NEDD4L: variants seen among roughly 807,000 people sequenced by gnomAD.
NEDD4L encodes E3 ubiquitin-protein ligase NEDD4-like.
In NEDD4L, 54 loss-of-function variants were observed where a neutral mutation model predicts 148.9. The observed-to-expected ratio is 0.36, with a 90% CI of 0.29 to 0.45. NEDD4L has a LOEUF of 0.45. Ranked by LOEUF, NEDD4L falls within the 20% of genes least tolerant of loss-of-function variation. The probability of loss-of-function intolerance (pLI) is 1.00; values close to 1 mark genes in which losing one functional copy is unlikely to be tolerated. For missense variants in NEDD4L, 856 were observed against 1,233.8 expected, an observed-to-expected ratio of 0.69 and a Z score of 4.59; for synonymous variants, 433 against 440.7, an observed-to-expected ratio of 0.98 and a Z score of 0.22.
At chr18:58,334,134 A>C (rs939057133) in intron 12 of NEDD4L, 1 of 427,860 alleles carries the variant, frequency 2.3e-6, no homozygotes, top group Admixed American at 4.0e-5. Context: ...ATTTATACCA[A>C]TTTTGATTTG....
At chr18:58,093,020 C>A (rs1016043036) in intron 1 of NEDD4L, among the ~76,000 whole-genome samples, 2 of 152,064 alleles carry the variant, frequency 1.3e-5, no homozygotes, top group African/African-American at 4.8e-5. Flanking sequence ...GCCACCACAC[C>A]TGGCTAATTT....
At position 58,071,191 on chromosome 18, in the gene NEDD4L, A is replaced by C. The variant is rs775449981; in HGVS notation, c.48+26483A>C. ...GAAAGCATGTCTAAAGAATCACATG[A>C]AAATATGCTTGTGAGGTTGAAGCCA... On this transcript the variant is annotated intron_variant, in intron 1 of 30. Coordinates refer to ENST00000400345, the MANE Select transcript of NEDD4L (RefSeq NM_001144967.3). Among the ~76,000 whole-genome samples the C allele has an allele frequency of 3.0e-4, 46 of 152,278 alleles. 1 individual carries two copies. The highest frequency in any genetic ancestry group is 6.2e-4 in the Non-Finnish European group (42 of 68,018).
At chr18:58,146,789 C>T (rs2034141847) in intron 1 of NEDD4L, among the ~76,000 whole-genome samples, 1 of 152,200 alleles carries the variant, frequency 6.6e-6, no homozygotes. Flanking sequence ...TTGCTCCACA[C>T]TCAGAAGGGC....
At chr18:58,196,235 A>T (rs932844121) in intron 2 of NEDD4L, among the ~76,000 whole-genome samples, 2 of 152,214 alleles carry the variant, frequency 1.3e-5, no homozygotes, top group African/African-American at 4.8e-5. Context: ...AATAAGTTCA[A>T]TTTAGAGCAT....
At chr18:58,376,990 A>G (rs889764788) in intron 24 of NEDD4L, among the ~76,000 whole-genome samples, 15 of 152,176 alleles carry the variant, frequency 9.9e-5, no homozygotes, top group Middle Eastern at 3.2e-3. Context: ...CCCAGACCCT[A>G]TGCATCTTCC....
intron 2 of NEDD4L, among the ~76,000 whole-genome samples, chr18:58,175,767 A>G (rs895648994): frequency 6.6e-6 from 1 of 152,222 alleles, no homozygotes; most frequent in African/African-American, 2.4e-5. Context: ...CCTCCCGCAA[A>G]TATAGATAAA....
chr18:58,159,785 C>T (rs1028686707), intron 1 of NEDD4L, among the ~76,000 whole-genome samples: 2 of 152,098 alleles, frequency 1.3e-5, no homozygotes, highest in Admixed American at 1.3e-4. Context: ...GAGTGTTTAC[C>T]CTAAGCCTGC....
rs139271299 is a variant in NEDD4L, at chr18:58,308,849, G to A, written c.298-7133G>A. ...ATGGGCACTGCACTGAGGCCTTAGT[G>A]GGCATTACCTGATGCCCTCATCACC... On this transcript the variant is annotated intron_variant, in intron 5 of 30. Coordinates refer to ENST00000400345, the MANE Select transcript of NEDD4L (RefSeq NM_001144967.3). Among the ~76,000 whole-genome samples the A allele has an allele frequency of 9.2e-5, 14 of 152,322 alleles. No individual in the cohort carries two copies. The East Asian group carries it at 2.7e-3, about 29-fold the overall frequency.
intron 5 of NEDD4L, among the ~76,000 whole-genome samples, 156 bp from the exon 6 acceptor site, chr18:58,315,826 G>A (rs1480867083): frequency 1.9e-4 from 29 of 152,170 alleles, no homozygotes; most frequent in Admixed American, 1.9e-3. Flanking sequence ...TGGTCTCCCG[G>A]GGTGTGGTTA....
intron 2 of NEDD4L, among the ~76,000 whole-genome samples, chr18:58,188,820 A>G (rs746580697): frequency 9.2e-5 from 14 of 152,238 alleles, no homozygotes; most frequent in Non-Finnish European, 1.9e-4. Context: ...AAGTGGGTTA[A>G]TTCATTGTCT....
chr18:58,092,644 C>G (rs985429042), intron 1 of NEDD4L, among the ~76,000 whole-genome samples: 1 of 152,028 alleles, frequency 6.6e-6, no homozygotes, highest in African/African-American at 2.4e-5. Context: ...CAGCACAGCT[C>G]TGCACCTGCT....
At chr18:58,244,282 A>T (rs2046986271) in intron 2 of NEDD4L, among the ~76,000 whole-genome samples, 1 of 152,228 alleles carries the variant, frequency 6.6e-6, no homozygotes, top group South Asian at 2.1e-4. Flanking sequence ...TAGATAAGTG[A>T]GAATTTAGAG....
At chr18:58,381,925 A>C (rs1181611771) in intron 24 of NEDD4L, among the ~76,000 whole-genome samples, 1 of 152,152 alleles carries the variant, frequency 6.6e-6, no homozygotes, top group Non-Finnish European at 1.5e-5. Flanking sequence ...AATGGGATGC[A>C]CTGGGAAGAT....
rs557237779 is a variant in NEDD4L at position 58,111,649 on chromosome 18, A to G, written c.49-54139A>G. On this transcript the variant is annotated intron_variant, in intron 1 of 30. Coordinates refer to ENST00000400345, the MANE Select transcript of NEDD4L (RefSeq NM_001144967.3). The stretch of plus-strand genomic sequence containing the variant: ...TATTGGTCAAATACTAGTCTGTTGT[A>G]TGGGATACATTGTGTTATAAAACCA... Among the ~76,000 whole-genome samples the G allele has an allele frequency of 9.8e-5, 15 of 152,300 alleles. No individual in the cohort carries two copies. The East Asian group carries it at 2.3e-3, about 24-fold the overall frequency.
chr18:58,222,981 A>C (rs2043933441), intron 2 of NEDD4L, among the ~76,000 whole-genome samples: 1 of 151,636 alleles, frequency 6.6e-6, no homozygotes, highest in Admixed American at 6.6e-5. Context: ...CTGGTGAGTG[A>C]GTTTCATTAG....
intron 5 of NEDD4L, among the ~76,000 whole-genome samples, chr18:58,279,662 G>C (rs1034088059): frequency 6.6e-6 from 1 of 152,338 alleles, no homozygotes; most frequent in East Asian, 1.9e-4. Flanking sequence ...AGCCGTCTGA[G>C]AGCTGGGACT....
At chr18:58,200,116 T>C (rs2041221787) in intron 2 of NEDD4L, among the ~76,000 whole-genome samples, 1 of 152,270 alleles carries the variant, frequency 6.6e-6, no homozygotes, top group African/African-American at 2.4e-5. Context: ...TGCAAAGGTA[T>C]GTTCTTTGTT....
rs573975036 is a variant in NEDD4L, at chr18:58,327,253, A to G, written c.681-1742A>G. 1.5e-4 allele frequency among the ~76,000 whole-genome samples: 23 copies of G among 152,314 alleles called. No homozygotes were observed. The East Asian group carries it at 3.1e-3, about 20-fold the overall frequency. On this transcript the variant is annotated intron_variant, in intron 9 of 30. Transcript: ENST00000400345. ...GCTGGGATTACAGGCGCCCGCCGCC[A>G]TGCCCAGCTAATGTTTGTATTTTTG...
intron 4 of NEDD4L, among the ~76,000 whole-genome samples, chr18:58,249,957 G>C (rs2047699178): frequency 6.6e-6 from 1 of 152,172 alleles, no homozygotes; most frequent in Admixed American, 6.5e-5. Flanking sequence ...AGATGCTGTT[G>C]GCCTTTAGTT....
Sources: allele counts gnomAD v4.1 joint callset (sites outside exome capture counted in the v4.1 genomes callset), GRCh38; gene constraint gnomAD v4.1.1; transcripts MANE v1.5; gene names NCBI Gene and HGNC (gene_info 2026-07-23, HGNC 2026-07-21).